The following SPG7 variants were observed in gnomAD, a reference collection of about 807,000 sequenced individuals.
The protein encoded by SPG7 is mitochondrial inner membrane m-AAA protease component paraplegin.
A neutral mutation model predicts 81.9 loss-of-function variants in SPG7; 103 were observed. The observed-to-expected ratio is 1.26, with a 90% CI of 1.07 to 1.48. The LOEUF is 1.48. SPG7 is among the 40% of genes most tolerant of loss of function. The pLI is 0.00. For synonymous variants in SPG7, 534 were observed against 444.2 expected (o/e 1.20, Z -2.54); for missense variants, 1,241 against 1,087.3 (o/e 1.14, Z -1.99).
rs968128825 is a variant in SPG7 at position 89,532,882 on chromosome 16, A to G, written c.1324+246A>G. 25 of 516,322 alleles carry G rather than the reference A, an allele frequency of 4.8e-5. No homozygotes were observed. In the Middle Eastern group the frequency reaches 1.6e-3, roughly 34 times the overall value. The allele number at this position is 516,322 out of a possible 1,614,324, so 32.0% of individuals were successfully genotyped here. On this transcript the variant is annotated intron_variant, in intron 9 of 16. Coordinates refer to ENST00000645818, the MANE Select transcript of SPG7 (RefSeq NM_003119.4). ...GCGGATCACCAGAGGTCAGGATTTC[A>G]TGAGCAGCCTGGCCAACATGCTGAA... is the stretch of plus-strand genomic sequence containing the variant.
chr16:89,529,744 A>C (rs1371854401), intron 6 of SPG7, 165 bp downstream of exon 6: 2 of 691,204 alleles, frequency 2.9e-6, no homozygotes, highest in East Asian at 5.4e-5. Context: ...GTCCGGCTGT[A>C]AGGCGTGTAG....
intron 16 of SPG7, 171 bp downstream of exon 16, chr16:89,554,734 A>T: frequency 3.2e-6 from 2 of 626,926 alleles, no homozygotes; most frequent in South Asian, 1.7e-5. Context: ...CATACTTTTT[A>T]TCCTGAACTC....
At chr16:89,515,016 A>T (rs2058076995) in intron 3 of SPG7, among the ~76,000 whole-genome samples, 1 of 146,766 alleles carries the variant, frequency 6.8e-6, no homozygotes, top group Non-Finnish European at 1.5e-5. Flanking sequence ...AGCTCACTGC[A>T]AGCTCCGTCT....
intron 15 of SPG7, 60 bp downstream of exon 15, chr16:89,554,020 T>C: frequency 6.4e-7 from 1 of 1,573,404 alleles, no homozygotes; most frequent in South Asian, 1.1e-5. Flanking sequence ...AGTCCCTGGG[T>C]CTACCACACA....
At chr16:89,523,140 T>G (rs1300744090) in intron 3 of SPG7, 1 of 160,970 alleles carries the variant, frequency 6.2e-6, no homozygotes, top group Non-Finnish European at 1.4e-5. Flanking sequence ...TGTTAATAAC[T>G]GAGGAAGGTA....
intron 9 of SPG7, 137 bp downstream of exon 9, chr16:89,532,773 A>G (rs2058362864): frequency 1.7e-6 from 1 of 592,848 alleles, no homozygotes; most frequent in Admixed American, 4.2e-5. Context: ...CTGTCTCAAG[A>G]AAAAAAAAAA....
chr16:89,530,963 G>A (rs2058333736), intron 7 of SPG7, 155 bp downstream of exon 7: 6 of 979,948 alleles, frequency 6.1e-6, no homozygotes, highest in Non-Finnish European at 9.5e-6. Context: ...AGCAGGTGCT[G>A]GTGCCTGTTC....
intron 7 of SPG7, 69 bp downstream of exon 7, chr16:89,530,877 C>G (rs2058332538): frequency 6.2e-7 from 1 of 1,602,302 alleles, no homozygotes; most frequent in Non-Finnish European, 8.5e-7. Flanking sequence ...CAGAAGGGCT[C>G]CTGCGGGACC....
At chr16:89,520,761 G>C (rs1330639913) in intron 3 of SPG7, 2 of 152,026 alleles carry the variant, frequency 1.3e-5, no homozygotes, top group African/African-American at 4.8e-5. Flanking sequence ...GCCCAGGCTG[G>C]TTTCTAACTC....
Position 89,530,808 on chromosome 16 carries a change from G to T in SPG7, c.987G>T (p.Lys329Asn). ...TCCGCGAGTTTGTGGATTATCTGAA[G>T]GTGAAAGCAGCGTGGGCCGGGAGGG... ...LEVREFVDYLKSPERFLQLGA... is the reference protein window; with the variant it reads ...LEVREFVDYLNSPERFLQLGA... Residue 329 changes from lysine (K) to asparagine (N), a missense_variant and splice_region_variant, in exon 7 of 17, where the codon AAG (lysine) becomes AAT (asparagine). By Grantham distance (94) the Lys-to-Asn change is moderately conservative (BLOSUM62 0). Coordinates refer to ENST00000645818, the MANE Select transcript of SPG7 (RefSeq NM_003119.4). 6.2e-7 allele frequency: 1 copy of T among 1,614,120 alleles called. No individual in the cohort carries two copies. Among genetic ancestry groups the T allele is most frequent in the South Asian group, 1.1e-5 (1 of 91,080 alleles).
At chr16:89,550,275 T>C (rs1256772426) in intron 12 of SPG7, 6 of 510,318 alleles carry the variant, frequency 1.2e-5, no homozygotes, top group African/African-American at 1.9e-5. Flanking sequence ...CAGGTTCAAG[T>C]GATTCTCTTG....
intron 7 of SPG7, chr16:89,531,176 G>T (rs2058337184): frequency 2.7e-6 from 1 of 370,808 alleles, no homozygotes; most frequent in South Asian, 2.2e-5. Context: ...TCCTCCGCGG[G>T]CCTGGTACGG....
At chr16:89,554,257 A>T (rs1220243386) in intron 15 of SPG7, among the ~76,000 whole-genome samples, 4 of 123,972 alleles carry the variant, frequency 3.2e-5, no homozygotes, top group Non-Finnish European at 6.4e-5. Context: ...GGAAGGGCCG[A>T]TGTGTGCCTG....
intron 3 of SPG7, among the ~76,000 whole-genome samples, chr16:89,515,601 G>A (rs1238405112): frequency 2.0e-5 from 3 of 149,712 alleles, no homozygotes; most frequent in Non-Finnish European, 4.4e-5. Flanking sequence ...CTGGGTAGGT[G>A]CGGTGGCTCA....
chr16:89,514,160 C>T (rs1419720189), intron 3 of SPG7, among the ~76,000 whole-genome samples: 1 of 152,116 alleles, frequency 6.6e-6, no homozygotes, highest in Non-Finnish European at 1.5e-5. Flanking sequence ...CTTCAGCTTA[C>T]TGTTGGTTTT....
intron 10 of SPG7, 152 bp from the exon 11 acceptor site, chr16:89,546,506 C>T (rs2058565132): frequency 7.0e-6 from 5 of 711,264 alleles, no homozygotes; most frequent in Non-Finnish European, 1.3e-5. Flanking sequence ...TGCGAAACCC[C>T]GTCTCTACTA....
At chr16:89,540,436 A>G (rs2058480094) in intron 9 of SPG7, 2 of 152,042 alleles carry the variant, frequency 1.3e-5, no homozygotes, top group South Asian at 4.1e-4. Flanking sequence ...AAATACAAAA[A>G]TTAGCTGGCA....
intron 1 of SPG7, among the ~76,000 whole-genome samples, chr16:89,509,275 GAC>G (rs2057979065): frequency 6.6e-6 from 1 of 152,038 alleles, no homozygotes; most frequent in African/African-American, 2.4e-5. Context: ...TTATTTTTGA[GAC>G]AGAGATCTCG....
At chr16:89,532,163 G>C (rs2058352477) in intron 8 of SPG7, 97 bp downstream of exon 8, 2 of 1,298,386 alleles carry the variant, frequency 1.5e-6, no homozygotes, top group Admixed American at 3.6e-5. Flanking sequence ...AGGGACACGG[G>C]TGGGTGGGGG....
Sources: allele counts gnomAD v4.1 joint callset (sites outside exome capture counted in the v4.1 genomes callset), GRCh38; gene constraint gnomAD v4.1.1; transcripts MANE v1.5; gene names NCBI Gene and HGNC (gene_info 2026-07-23, HGNC 2026-07-21).